ATXN1: variants seen among roughly 807,000 people sequenced by gnomAD.
ATXN1 encodes the protein ataxin 1.
ATXN1 carries 8 observed loss-of-function variants against 56.4 expected under a neutral mutation model. The observed-to-expected ratio is 0.14, with a 90% CI of 0.08 to 0.26. The LOEUF is 0.26. Ranked by LOEUF, ATXN1 falls within the 10% of genes least tolerant of loss-of-function variation. ATXN1 has a pLI of 1.00. For synonymous variants in ATXN1, 514 were observed against 494.6 expected, an observed-to-expected ratio of 1.04 and a Z score of -0.52; for missense variants, 987 against 1,106.5, an observed-to-expected ratio of 0.89 and a Z score of 1.53.
chr6:16,702,437 T>G (rs1210687837), intron 2 of ATXN1, among the ~76,000 whole-genome samples: 2 of 152,214 alleles, frequency 1.3e-5, no homozygotes, highest in Non-Finnish European at 2.9e-5. Flanking sequence ...AACGACTTCA[T>G]GTCTAAAACA....
intron 4 of ATXN1, among the ~76,000 whole-genome samples, chr6:16,539,246 T>C (rs1761665953): frequency 6.6e-6 from 1 of 152,234 alleles, no homozygotes; most frequent in Non-Finnish European, 1.5e-5. Context: ...ATGCAGATTT[T>C]ATCATGACGC....
intron 7 of ATXN1, among the ~76,000 whole-genome samples, chr6:16,320,768 A>G (rs1760629856): frequency 6.6e-6 from 1 of 152,218 alleles, no homozygotes. Flanking sequence ...TCCAGTTCAT[A>G]CTCAGAAATA....
intron 6 of ATXN1, among the ~76,000 whole-genome samples, chr6:16,353,328 G>T (rs1402338375): frequency 6.6e-6 from 1 of 152,174 alleles, no homozygotes; most frequent in Non-Finnish European, 1.5e-5. Context: ...ATAGAATGGG[G>T]AATGCTGCTG....
chr6:16,423,535 C>G lies in ATXN1; in HGVS notation c.-161+62437G>C, dbSNP rs140383509. 1.1e-3 allele frequency among the ~76,000 whole-genome samples: 173 copies of G among 152,278 alleles called. 1 individual carries two copies. Among genetic ancestry groups the G allele is most frequent in the African/African-American group, 4.1e-3 (169 of 41,544 alleles). ...TCCGGGATTTGGGGTTTTAGGGGCT[C>G]TCTTCACAGATGAGAGAATTTTGCA... On this transcript the variant is annotated intron_variant, in intron 6 of 7. Coordinates refer to ENST00000436367, the MANE Select transcript of ATXN1 (RefSeq NM_001128164.2).
intron 2 of ATXN1, among the ~76,000 whole-genome samples, chr6:16,706,909 C>T (rs937135262): frequency 1.3e-5 from 2 of 152,232 alleles, no homozygotes; most frequent in Non-Finnish European, 1.5e-5. Flanking sequence ...TATCACCTCC[C>T]GCTAGACGAG....
intron 3 of ATXN1, among the ~76,000 whole-genome samples, chr6:16,616,711 A>C (rs1434529497): frequency 6.8e-6 from 1 of 147,730 alleles, no homozygotes; most frequent in African/African-American, 2.5e-5. Context: ...TTACTAGAAG[A>C]TATACATATA....
chr6:16,455,890 G>A (rs1172464515), intron 6 of ATXN1, among the ~76,000 whole-genome samples: 4 of 151,926 alleles, frequency 2.6e-5, no homozygotes, highest in Non-Finnish European at 5.9e-5. Context: ...ACCAATCAAC[G>A]CTCTGTAAAA....
intron 2 of ATXN1, among the ~76,000 whole-genome samples, chr6:16,695,870 G>A (rs775636420): frequency 6.6e-6 from 1 of 152,110 alleles, no homozygotes; most frequent in Non-Finnish European, 1.5e-5. Flanking sequence ...AGGCTGAGGC[G>A]GGAGGATCAC....
intron 6 of ATXN1, among the ~76,000 whole-genome samples, chr6:16,445,874 T>A (rs1360276527): frequency 6.6e-6 from 1 of 151,430 alleles, no homozygotes; most frequent in Non-Finnish European, 1.5e-5. Flanking sequence ...TATGGCTGCA[T>A]AGTATTCCAT....
At position 16,658,796 on chromosome 6, in the gene ATXN1, A is replaced by G. The variant is rs183780916; in HGVS notation, c.-614-895T>C. Among the ~76,000 whole-genome samples the G allele has an allele frequency of 1.5e-3, 225 of 152,286 alleles. 1 individual carries two copies. Among genetic ancestry groups the G allele is most frequent in the Admixed American group, 5.0e-3 (77 of 15,292 alleles). Reference sequence around the variant, plus strand: ...GCCTTTTATGAGCTCATCCTCATCTATGTTGAAAACCCATCGGCTGACTGT... The same window carrying G: ...GCCTTTTATGAGCTCATCCTCATCTGTGTTGAAAACCCATCGGCTGACTGT... On this transcript the variant is annotated intron_variant, in intron 2 of 7. Transcript: ENST00000436367.
intron 2 of ATXN1, among the ~76,000 whole-genome samples, chr6:16,692,101 T>C (rs1385989780): frequency 2.6e-5 from 4 of 152,112 alleles, no homozygotes; most frequent in African/African-American, 2.4e-5. Context: ...TCATCTCTAC[T>C]AAAAATACAC....
chr6:16,486,581 A>G (rs1760549520), intron 5 of ATXN1, among the ~76,000 whole-genome samples: 1 of 152,158 alleles, frequency 6.6e-6, no homozygotes, highest in South Asian at 2.1e-4. Context: ...GAGCCAGAAT[A>G]CAAAAGCCAG....
chr6:16,441,507 G>A lies in ATXN1; in HGVS notation c.-161+44465C>T, dbSNP rs1482096574. On this transcript the variant is annotated intron_variant, in intron 6 of 7. Transcript: ENST00000436367. The stretch of plus-strand genomic sequence containing the variant: ...AGTTATTATAAGAAGAAAAATCAGA[G>A]TAGCATTCTTACCACAGAGACATGC... Among the ~76,000 whole-genome samples, 4 of 152,036 alleles carry A rather than the reference G, an allele frequency of 2.6e-5. No homozygotes were observed. The East Asian group carries it at 5.8e-4, about 22-fold the overall frequency.
chr6:16,541,490 C>G (rs986871074), intron 4 of ATXN1, among the ~76,000 whole-genome samples: 4 of 152,196 alleles, frequency 2.6e-5, no homozygotes, highest in Non-Finnish European at 5.9e-5. Context: ...AGGGCAACCT[C>G]TGGTGACCTG....
intron 6 of ATXN1, among the ~76,000 whole-genome samples, chr6:16,415,728 T>C (rs910286515): frequency 1.3e-5 from 2 of 152,204 alleles, no homozygotes; most frequent in Non-Finnish European, 2.9e-5. Context: ...CCTTTGCCTG[T>C]CTGGCGAAGA....
intron 4 of ATXN1, among the ~76,000 whole-genome samples, chr6:16,579,484 CCCCCCCCCA>C (rs200703254): frequency 0.086 from 3,439 of 39,988 alleles, 1,077 homozygotes; most frequent in East Asian, 0.34. Flanking sequence ...GTCAAAGCCC[CCCCCCCCCA>C]CCCGCCGATT....
At chr6:16,646,645 C>T (rs1409113599) in intron 3 of ATXN1, among the ~76,000 whole-genome samples, 2 of 152,276 alleles carry the variant, frequency 1.3e-5, no homozygotes, top group East Asian at 3.8e-4. Flanking sequence ...CACACGCCCT[C>T]CCGTGTGGAA....
In ATXN1 at chr6:16,503,434, T is replaced by C. The variant is rs549171936; in HGVS notation, c.-298-17325A>G. 1.6e-4 allele frequency among the ~76,000 whole-genome samples: 25 copies of C among 152,340 alleles called. No homozygotes were observed. In the South Asian group the frequency reaches 5.2e-3, roughly 32 times the overall value. ...ACTGCACCATGCTGTTTGTTCCCTG[T>C]GCTTTGTCCATGCTGTCCCTTGGCA... On this transcript the variant is annotated intron_variant, in intron 5 of 7. Transcript: ENST00000436367.
intron 3 of ATXN1, chr6:16,615,222 C>G (rs1251035309): frequency 6.8e-6 from 1 of 147,586 alleles, no homozygotes; most frequent in African/African-American, 2.5e-5. Context: ...CTCAGAGGAG[C>G]GATTGTGGAA....
Sources: allele counts gnomAD v4.1 joint callset (sites outside exome capture counted in the v4.1 genomes callset), GRCh38; gene constraint gnomAD v4.1.1; transcripts MANE v1.5; gene names NCBI Gene and HGNC (gene_info 2026-07-23, HGNC 2026-07-21).